RALGAPA2: variants seen among roughly 807,000 people sequenced by gnomAD.
RALGAPA2 encodes ral GTPase-activating protein subunit alpha-2.
A neutral mutation model predicts 230.4 loss-of-function variants in RALGAPA2; 139 were observed. The observed-to-expected ratio is 0.60, with a 90% CI of 0.53 to 0.69. The LOEUF is 0.69. Among genes scored for constraint, RALGAPA2 ranks in the 30% least tolerant of loss-of-function variants. The probability of loss-of-function intolerance (pLI) is 0.00; values close to 1 mark genes in which losing one functional copy is unlikely to be tolerated. For synonymous variants in RALGAPA2, 847 were observed against 837.8 expected, an observed-to-expected ratio of 1.01 and a Z score of -0.19; for missense variants, 2,163 against 2,276.0, an observed-to-expected ratio of 0.95 and a Z score of 1.01.
At chr20:20,440,648 G>A (rs960232154) in intron 37 of RALGAPA2, among the ~76,000 whole-genome samples, 5 of 152,128 alleles carry the variant, frequency 3.3e-5, no homozygotes, top group South Asian at 2.1e-4. Context: ...TTGGATTCTC[G>A]CCCCCGGCCA....
intron 10 of RALGAPA2, among the ~76,000 whole-genome samples, chr20:20,622,320 C>A (rs2066349322): frequency 6.6e-6 from 1 of 151,298 alleles, no homozygotes; most frequent in Admixed American, 6.6e-5. Context: ...GAAAGAGTGG[C>A]TGAGAATTTA....
chr20:20,583,356 C>T, intron 19 of RALGAPA2, 130 bp from the exon 20 acceptor site: 1 of 1,033,864 alleles, frequency 9.7e-7, no homozygotes, highest in Non-Finnish European at 1.4e-6. Flanking sequence ...TTTGGCAGAA[C>T]CTGCAGAACT....
chr20:20,677,629 ATTTTTTTTTTTTTTTTTTT>A (rs758379115), intron 2 of RALGAPA2, among the ~76,000 whole-genome samples: 1 of 64,284 alleles, frequency 1.6e-5, no homozygotes, highest in Non-Finnish European at 2.9e-5. Context: ...GATTTGACCC[ATTTTTTTTTTTTTTTTTTT>A]TTTTTTTTTT....
chr20:20,593,750 A>T (rs1188671308), intron 16 of RALGAPA2, among the ~76,000 whole-genome samples: 1 of 152,220 alleles, frequency 6.6e-6, no homozygotes, highest in Non-Finnish European at 1.5e-5. Context: ...AGCAAATAAG[A>T]GCTGAGCCAA....
Position 20,712,401 on chromosome 20 carries a change from C to A in RALGAPA2, c.80G>T (p.Arg27Leu). 1.3e-6 allele frequency: 2 copies of A among 1,551,128 alleles called. No homozygotes were observed. Among genetic ancestry groups the A allele is most frequent in the Non-Finnish European group, 1.7e-6 (2 of 1,146,866 alleles). ...CAGCAGCGCCCGCAGGTGCTTCAGG[C>A]GGGTCAGCACGTCCTTCTTCGGGTC... ...VLDPKKDVLTRLKHLRALLDN... is the reference protein window; with the variant it reads ...VLDPKKDVLTLLKHLRALLDN... Residue 27 changes from arginine to leucine, a missense_variant, in exon 1 of 40, where the codon CGC becomes CTC. By Grantham distance (102) the Arg-to-Leu change is moderately radical. Coordinates refer to ENST00000202677, the MANE Select transcript of RALGAPA2 (RefSeq NM_020343.4). This position sits in a 1 kb window ranked among gnomAD's most constrained non-coding sequence, Gnocchi z 5.5.
intron 35 of RALGAPA2, among the ~76,000 whole-genome samples, chr20:20,502,049 GATA>G (rs766139409): frequency 9.9e-5 from 15 of 152,096 alleles, no homozygotes; most frequent in African/African-American, 3.1e-4. Context: ...ATGAGATAAT[GATA>G]ATAATAATAG....
At chr20:20,598,906 A>G (rs1222260999) in intron 16 of RALGAPA2, 1 of 370,776 alleles carries the variant, frequency 2.7e-6, no homozygotes, top group East Asian at 7.3e-5. Flanking sequence ...GCTCTCTTTA[A>G]ACATTTAAAG....
At chr20:20,532,443 G>A (rs1168137608) in intron 26 of RALGAPA2, among the ~76,000 whole-genome samples, 1 of 152,154 alleles carries the variant, frequency 6.6e-6, no homozygotes, top group Admixed American at 6.5e-5. Flanking sequence ...TGGTTTAGAT[G>A]CAGTAGGTGT....
intron 20 of RALGAPA2, among the ~76,000 whole-genome samples, chr20:20,574,045 C>T (rs570080597): frequency 3.3e-5 from 5 of 152,272 alleles, no homozygotes; most frequent in East Asian, 3.9e-4. Flanking sequence ...AGTGCTGTTA[C>T]GGTTTGCACT....
At chr20:20,613,341 G>A (rs1051194470) in intron 13 of RALGAPA2, among the ~76,000 whole-genome samples, 13 of 152,140 alleles carry the variant, frequency 8.5e-5, no homozygotes, top group African/African-American at 1.7e-4. Flanking sequence ...TTATTTTCCT[G>A]ATCTCTATCT....
intron 37 of RALGAPA2, among the ~76,000 whole-genome samples, chr20:20,443,014 C>T (rs1026419415): frequency 3.9e-5 from 6 of 152,280 alleles, no homozygotes; most frequent in Admixed American, 1.3e-4. Context: ...ATCAATGGAC[C>T]ATGATACTTA....
Position 20,392,541 on chromosome 20 carries a change from C to T in RALGAPA2, c.*748G>A, listed in dbSNP as rs544890607. ...CAGGACCCTGTATTTCTGGAATCTT[C>T]TGAGTGTTCTAAGATAGGGGCATCA... On this transcript the variant is annotated 3_prime_UTR_variant, in exon 40 of 40. Coordinates refer to ENST00000202677, the MANE Select transcript of RALGAPA2 (RefSeq NM_020343.4). The T allele has an allele frequency of 6.5e-6, 1 of 154,284 alleles. No homozygotes were observed. Among genetic ancestry groups the T allele is most frequent in the Non-Finnish European group, 1.4e-5 (1 of 69,322 alleles). The allele number at this position is 154,284 out of a possible 1,614,324, so 9.6% of individuals were successfully genotyped here.
At position 20,486,537 on chromosome 20, in the gene RALGAPA2, T is replaced by TC. The variant is rs764799484; in HGVS notation, c.5367+8579dup. Among the ~76,000 whole-genome samples, 7 of 152,318 alleles carry TC rather than the reference T, an allele frequency of 4.6e-5. No homozygotes were observed. The East Asian group carries it at 1.3e-3, about 29-fold the overall frequency. ...TCTGGCTCCTTTCAAGATTTTCTCT[T>TC]CTTTTTTGGTTTCCTGTGCTTTGTA... On this transcript the variant is annotated intron_variant, in intron 36 of 39. Coordinates refer to ENST00000202677, the MANE Select transcript of RALGAPA2 (RefSeq NM_020343.4).
intron 36 of RALGAPA2, among the ~76,000 whole-genome samples, chr20:20,492,660 CA>C (rs2062093070): frequency 6.6e-6 from 1 of 152,154 alleles, no homozygotes. Context: ...GCGGTATGTG[CA>C]GTGTGTCGAG....
intron 1 of RALGAPA2, among the ~76,000 whole-genome samples, chr20:20,692,254 C>T (rs1254115298): frequency 2.0e-5 from 3 of 152,232 alleles, no homozygotes; most frequent in African/African-American, 4.8e-5. Context: ...CATACAATTA[C>T]AGCCATGTTG....
intron 3 of RALGAPA2, among the ~76,000 whole-genome samples, chr20:20,661,354 TTCTCCA>T (rs2067769910): frequency 6.6e-6 from 1 of 152,124 alleles, no homozygotes; most frequent in Admixed American, 6.5e-5. Flanking sequence ...GAGACAGGGT[TTCTCCA>T]TGTTGGTCAG....
Position 20,640,863 on chromosome 20 carries a change from T to C in RALGAPA2, c.388A>G (p.Ile130Val). ...TGAAGCCACAGAAGAAACAGCCTGATTCCTTCACATCTTATCTAAAACAAA... is the reference window on the plus strand; with the variant it reads ...TGAAGCCACAGAAGAAACAGCCTGACTCCTTCACATCTTATCTAAAACAAA... ...GNSIKIRCEG[I>V]RLFLLWLQAL... is the part of the protein sequence containing the mutation. The change falls in exon 6 of 40, where the codon ATC (isoleucine) becomes GTC (valine). Residue 130 changes from isoleucine (I) to valine (V), a missense_variant. Ile to Val is a conservative substitution (Grantham distance 29, BLOSUM62 3). Coordinates refer to ENST00000202677, the MANE Select transcript of RALGAPA2 (RefSeq NM_020343.4). The C allele has an allele frequency of 6.2e-7, 1 of 1,612,114 alleles. No individual in the cohort carries two copies. The highest frequency in any genetic ancestry group is 8.5e-7 in the Non-Finnish European group (1 of 1,178,526).
At chr20:20,566,122 C>G (rs2064412553) in intron 23 of RALGAPA2, among the ~76,000 whole-genome samples, 1 of 152,158 alleles carries the variant, frequency 6.6e-6, no homozygotes. Context: ...CAGGAGGACC[C>G]AGATCCCCCT....
chr20:20,396,165 C>G (rs2059711483), intron 39 of RALGAPA2, among the ~76,000 whole-genome samples: 1 of 152,244 alleles, frequency 6.6e-6, no homozygotes, highest in African/African-American at 2.4e-5. Context: ...GCAGCCCATT[C>G]CTAGGTCTCC....
Sources: gnomAD v4.1 joint callset for allele counts (sites outside exome capture counted in the v4.1 genomes callset) on GRCh38, gnomAD v4.1.1 for gene constraint, Gnocchi (gnomAD v3.1) non-coding constraint, MANE v1.5 for transcripts, NCBI Gene and HGNC (gene_info 2026-07-23, HGNC 2026-07-21) for gene names.